COL28A1: variants seen among roughly 807,000 people sequenced by gnomAD.
COL28A1 encodes the protein collagen alpha-1(XXVIII) chain.
In COL28A1, 161 loss-of-function variants were observed where a neutral mutation model predicts 150.2. The ratio of observed to expected loss-of-function variants is 1.07; its 90% confidence interval spans 0.94 to 1.22. COL28A1 has a LOEUF of 1.22. Among genes scored for constraint, COL28A1 ranks in the 50% most tolerant of loss-of-function variants. COL28A1 has a pLI of 0.00. For missense variants in COL28A1, 1,617 were observed against 1,388.3 expected (o/e 1.16, Z -2.62); for synonymous variants, 552 against 469.7 (o/e 1.18, Z -2.26).
intron 11 of COL28A1, among the ~76,000 whole-genome samples, chr7:7,501,689 G>A (rs1414675782): frequency 1.3e-5 from 2 of 152,060 alleles, no homozygotes; most frequent in Non-Finnish European, 2.9e-5. Flanking sequence ...GTAATTAAAG[G>A]CCTTTTTCAA....
At chr7:7,504,730 A>G (rs1780716793) in intron 11 of COL28A1, among the ~76,000 whole-genome samples, 1 of 152,154 alleles carries the variant, frequency 6.6e-6, no homozygotes, top group South Asian at 2.1e-4. Context: ...TCATTTCCAA[A>G]ATGAAAATGC....
intron 9 of COL28A1, 120 bp from the exon 10 acceptor site, chr7:7,507,281 A>G (rs1178908455): frequency 3.4e-6 from 2 of 588,726 alleles, no homozygotes; most frequent in Non-Finnish European, 5.9e-6. Flanking sequence ...TTATCTTAAC[A>G]TCAAAGGCAA....
At chr7:7,477,248 A>G in intron 13 of COL28A1, 68 bp from the exon 14 acceptor site, 1 of 811,196 alleles carries the variant, frequency 1.2e-6, no homozygotes, top group South Asian at 1.4e-5. Context: ...GATGAAAAAG[A>G]GGAAAGAGGA....
chr7:7,394,242 A>G (rs1043265628), intron 27 of COL28A1, among the ~76,000 whole-genome samples: 1 of 151,490 alleles, frequency 6.6e-6, no homozygotes, highest in Non-Finnish European at 1.5e-5. Flanking sequence ...CCCTACTTCA[A>G]CTCACCCTCT....
chr7:7,429,408 T>G (rs1332351547), intron 25 of COL28A1, among the ~76,000 whole-genome samples: 4 of 132,424 alleles, frequency 3.0e-5, no homozygotes, highest in Non-Finnish European at 6.2e-5. Context: ...TGAATCTCCC[T>G]CTCTCTCTCT....
intron 20 of COL28A1, among the ~76,000 whole-genome samples, chr7:7,441,490 C>G (rs551402291): frequency 2.0e-5 from 3 of 148,880 alleles, no homozygotes; most frequent in Admixed American, 1.4e-4. Flanking sequence ...AACTGCAAGG[C>G]GCCATATCCA....
At chr7:7,404,914 C>T (rs1436257825) in intron 27 of COL28A1, among the ~76,000 whole-genome samples, 3 of 150,534 alleles carry the variant, frequency 2.0e-5, no homozygotes, top group African/African-American at 7.5e-5. Flanking sequence ...CACAGAGTCT[C>T]ACTCTGTTGC....
chr7:7,353,802 T>A (rs952016742), downstream of COL28A1, among the ~76,000 whole-genome samples: 2 of 152,104 alleles, frequency 1.3e-5, no homozygotes, highest in Non-Finnish European at 2.9e-5. Flanking sequence ...ATGTAAGTAC[T>A]TTTTCTCCCG....
At chr7:7,518,621 G>C (rs1280521904) in intron 6 of COL28A1, among the ~76,000 whole-genome samples, 1 of 151,994 alleles carries the variant, frequency 6.6e-6, no homozygotes, top group Non-Finnish European at 1.5e-5. Flanking sequence ...CAAACTATTT[G>C]TGTCAAGTTA....
chr7:7,378,444 G>A (rs1347953838), intron 30 of COL28A1, among the ~76,000 whole-genome samples: 3 of 152,106 alleles, frequency 2.0e-5, no homozygotes, highest in African/African-American at 7.2e-5. Flanking sequence ...TGCTAACACC[G>A]AAGTGACATG....
chr7:7,478,021 C>T (rs1299445455), intron 13 of COL28A1, among the ~76,000 whole-genome samples: 11 of 152,170 alleles, frequency 7.2e-5, no homozygotes, highest in Non-Finnish European at 5.9e-5. Flanking sequence ...TATTTACAAA[C>T]CCTGAGCTAG....
intron 33 of COL28A1, among the ~76,000 whole-genome samples, chr7:7,361,820 G>A (rs1312700938): frequency 2.8e-5 from 4 of 141,770 alleles, no homozygotes; most frequent in African/African-American, 1.0e-4. Flanking sequence ...AAGAAAATGT[G>A]GCACATATAC....
chr7:7,527,334 G>T (rs1423286292), intron 3 of COL28A1, among the ~76,000 whole-genome samples: 31 of 152,198 alleles, frequency 2.0e-4, no homozygotes, highest in Admixed American at 2.0e-3. Context: ...TAACAAGATG[G>T]CTTCTTGGAA....
intron 18 of COL28A1, among the ~76,000 whole-genome samples, chr7:7,447,904 T>C (rs1786385758): frequency 6.6e-6 from 1 of 151,912 alleles, no homozygotes; most frequent in South Asian, 2.1e-4. Flanking sequence ...CCATCTCTAC[T>C]AAAAAATACA....
chr7:7,381,734 AATAT>A, intron 27 of COL28A1, 122 bp from the exon 28 acceptor site: 2 of 610,124 alleles, frequency 3.3e-6, no homozygotes. Flanking sequence ...TATTAGGGGA[AATAT>A]ATATATATAT....
chr7:7,542,717 A>G, the COL28A1 span, among the ~76,000 whole-genome samples: 2 of 152,216 alleles, frequency 1.3e-5, no homozygotes, highest in African/African-American at 4.8e-5. Flanking sequence ...GGGTTGTGAC[A>G]TGATCACACT....
At chr7:7,440,344 C>G (rs1469932643) in intron 21 of COL28A1, among the ~76,000 whole-genome samples, 1 of 152,194 alleles carries the variant, frequency 6.6e-6, no homozygotes, top group Non-Finnish European at 1.5e-5. Context: ...TATCTTCTTT[C>G]TATAATTGAA....
At position 7,532,777 on chromosome 7, in the gene COL28A1, C is replaced by T. The variant is rs1372571011; in HGVS notation, c.99G>A (p.Leu33=). The change falls in exon 2 of 35, where the codon TTG becomes TTA. Residue 33 remains leucine, a synonymous_variant. Transcript: ENST00000399429. ...CCTGGACATCACTTTTCCTTGCAAG[C>T]AAATTTGATTTTGGTCCTTTCTTTC... ...GQRKKGPKSN[L]LARKSDVQGS... 1 of 1,609,544 alleles carries T rather than the reference C, an allele frequency of 6.2e-7. No homozygotes were observed. The highest frequency in any genetic ancestry group is 1.3e-5 in the African/African-American group (1 of 74,522).
At chr7:7,429,475 G>T (rs12666360) in intron 25 of COL28A1, among the ~76,000 whole-genome samples, 20,856 of 137,716 alleles carry the variant, frequency 0.15, 1,738 homozygotes, top group East Asian at 0.29. Context: ...TGTGTGTGTG[G>T]GGGGGGGGAT....
Sources: gnomAD v4.1 joint callset for allele counts (sites outside exome capture counted in the v4.1 genomes callset) on GRCh38, gnomAD v4.1.1 for gene constraint, MANE v1.5 for transcripts, NCBI Gene and HGNC (gene_info 2026-07-23, HGNC 2026-07-21) for gene names.